PRMT3: variants seen among roughly 807,000 people sequenced by gnomAD.
The protein encoded by PRMT3 is protein arginine N-methyltransferase 3.
PRMT3 carries 62 observed loss-of-function variants against 71.9 expected under a neutral mutation model. That is an observed-to-expected ratio of 0.86 (90% CI 0.70 to 1.07). The LOEUF (loss-of-function observed/expected upper bound fraction) is 1.07, where lower values mean the gene tolerates loss of function less well. PRMT3 is among the 50% of genes least tolerant of loss of function. The pLI, the probability that PRMT3 is intolerant of heterozygous loss-of-function variation, is 0.00. For missense variants in PRMT3, 663 were observed against 643.0 expected, an observed-to-expected ratio of 1.03 and a Z score of -0.34; for synonymous variants, 213 against 220.4, an observed-to-expected ratio of 0.97 and a Z score of 0.30.
chr11:20,412,856 C>T (rs1417191547), intron 9 of PRMT3, among the ~76,000 whole-genome samples: 1 of 152,104 alleles, frequency 6.6e-6, no homozygotes, highest in Non-Finnish European at 1.5e-5. Context: ...GTGCCTGAGG[C>T]AGGAGAATCA....
At chr11:20,444,125 A>AT (rs1263402046) in intron 10 of PRMT3, among the ~76,000 whole-genome samples, 1 of 152,258 alleles carries the variant, frequency 6.6e-6, no homozygotes, top group Admixed American at 6.5e-5. Context: ...TTCTATTGTC[A>AT]TTTTTTGACT....
chr11:20,430,721 A>ACTTAT (rs1274220148), intron 10 of PRMT3, among the ~76,000 whole-genome samples: 1 of 152,160 alleles, frequency 6.6e-6, no homozygotes, highest in Non-Finnish European at 1.5e-5. Flanking sequence ...TCTGTATGTA[A>ACTTAT]TAAGAGCACC....
At chr11:20,478,195 T>C (rs1430634013) in intron 13 of PRMT3, among the ~76,000 whole-genome samples, 1 of 152,058 alleles carries the variant, frequency 6.6e-6, no homozygotes, top group Admixed American at 6.6e-5. Context: ...TTCTTTTTGT[T>C]ATGTTAGAGT....
chr11:20,504,707 T>TGAGAGAGAGAGAGAGAGAGAGAGAGAGA (rs57201745), intron 15 of PRMT3, among the ~76,000 whole-genome samples: 5 of 133,646 alleles, frequency 3.7e-5, no homozygotes, highest in African/African-American at 1.5e-4. Flanking sequence ...TGTGTGTGTG[T>TGAGAGAGAGAGAGAGAGAGAGAGAGAGA]GAGAGAGAGA....
At chr11:20,501,007 A>G (rs1424418820) in intron 15 of PRMT3, among the ~76,000 whole-genome samples, 3 of 152,120 alleles carry the variant, frequency 2.0e-5, no homozygotes, top group Non-Finnish European at 2.9e-5. Context: ...CATGTACTCC[A>G]GTTGTACAGA....
intron 9 of PRMT3, among the ~76,000 whole-genome samples, chr11:20,411,881 G>T (rs1322930699): frequency 6.6e-6 from 1 of 152,110 alleles, no homozygotes; most frequent in Non-Finnish European, 1.5e-5. Flanking sequence ...TTGATTCAGA[G>T]GGAACAGCCA....
At chr11:20,424,139 G>A (rs187157567) in intron 9 of PRMT3, among the ~76,000 whole-genome samples, 2 of 148,612 alleles carry the variant, frequency 1.3e-5, no homozygotes, top group Admixed American at 6.8e-5. Flanking sequence ...AGCCGAGATC[G>A]CGCCACTGCA....
At chr11:20,461,912 C>A in intron 11 of PRMT3, 68 bp from the exon 12 acceptor site, 1 of 1,320,796 alleles carries the variant, frequency 7.6e-7, no homozygotes. Flanking sequence ...TATATTTAGG[C>A]TTTAAAAAAT....
intron 10 of PRMT3, among the ~76,000 whole-genome samples, chr11:20,428,580 G>A (rs1849593484): frequency 6.6e-6 from 1 of 152,202 alleles, no homozygotes; most frequent in Non-Finnish European, 1.5e-5. Context: ...AATAACTGCA[G>A]TTAGCTGGAT....
At chr11:20,502,879 A>G (rs1189988036) in intron 15 of PRMT3, among the ~76,000 whole-genome samples, 4 of 152,168 alleles carry the variant, frequency 2.6e-5, no homozygotes, top group Admixed American at 6.5e-5. Context: ...GATTTTTTAG[A>G]TGGTAGTTAA....
chr11:20,453,974 C>T (rs115829615), intron 11 of PRMT3, among the ~76,000 whole-genome samples: 257 of 152,238 alleles, frequency 1.7e-3, no homozygotes, highest in African/African-American at 5.8e-3. Flanking sequence ...ATTAGGGATA[C>T]ATAAACTGTA....
intron 13 of PRMT3, among the ~76,000 whole-genome samples, chr11:20,485,318 A>G (rs566044989): frequency 2.6e-4 from 39 of 152,338 alleles, no homozygotes; most frequent in African/African-American, 8.9e-4. Flanking sequence ...AAACATATTC[A>G]GAGGTAATCA....
chr11:20,482,937 C>G (rs1850976683), intron 13 of PRMT3, among the ~76,000 whole-genome samples: 1 of 151,736 alleles, frequency 6.6e-6, no homozygotes. Context: ...TTTTTAGTTC[C>G]CACTCTATAT....
chr11:20,433,479 C>G (rs1266877957), intron 10 of PRMT3, among the ~76,000 whole-genome samples: 1 of 152,054 alleles, frequency 6.6e-6, no homozygotes, highest in Non-Finnish European at 1.5e-5. Context: ...TAGGTTGATT[C>G]CAATTCCGTA....
At chr11:20,477,713 G>C (rs1419288906) in intron 13 of PRMT3, among the ~76,000 whole-genome samples, 1 of 151,870 alleles carries the variant, frequency 6.6e-6, no homozygotes, top group Non-Finnish European at 1.5e-5. Flanking sequence ...CTAAGCAGTA[G>C]CTTCTGGAAT....
chr11:20,407,186 A>G (rs2133321494), intron 8 of PRMT3: 1 of 152,286 alleles, frequency 6.6e-6, no homozygotes, highest in South Asian at 2.1e-4. Context: ...ACTTTCAGCA[A>G]ACTTCTAAAT....
chr11:20,442,265 A>T (rs909484283), intron 10 of PRMT3, among the ~76,000 whole-genome samples: 1 of 151,972 alleles, frequency 6.6e-6, no homozygotes, highest in Non-Finnish European at 1.5e-5. Flanking sequence ...TCTGTTACCA[A>T]CTTGACATAC....
At chr11:20,394,709 T>G (rs1470018278) in intron 5 of PRMT3, among the ~76,000 whole-genome samples, 1 of 152,242 alleles carries the variant, frequency 6.6e-6, no homozygotes, top group Non-Finnish European at 1.5e-5. Context: ...CTTACTCATC[T>G]TGTAGCTGAA....
chr11:20,494,154 T>C lies in PRMT3; in HGVS notation c.1399-13T>C, dbSNP rs1291741160. ...TGTACTTCATCAAATACCTTTGAAC[T>C]TTACCAATTCAGGTCGTGTTCTCTA... On this transcript the variant is annotated splice_polypyrimidine_tract_variant and intron_variant, in intron 14 of 15. Coordinates refer to ENST00000331079, the MANE Select transcript of PRMT3 (RefSeq NM_005788.4). 1.9e-6 allele frequency: 3 copies of C among 1,584,868 alleles called. No individual in the cohort carries two copies. The highest frequency in any genetic ancestry group is 2.6e-6 in the Non-Finnish European group (3 of 1,153,964).
Sources: allele counts gnomAD v4.1 joint callset (sites outside exome capture counted in the v4.1 genomes callset), GRCh38; gene constraint gnomAD v4.1.1; transcripts MANE v1.5; gene names NCBI Gene and HGNC (gene_info 2026-07-23, HGNC 2026-07-21).